Variants in HOOK3 observed in about 807,000 individuals in gnomAD.
HOOK3 encodes hook microtubule tethering protein 3.
A neutral mutation model predicts 116.3 loss-of-function variants in HOOK3; 24 were observed. The ratio of observed to expected loss-of-function variants is 0.21; its 90% CI spans 0.15 to 0.29. The LOEUF (loss-of-function observed/expected upper bound fraction) is 0.29, where lower values mean the gene tolerates loss of function less well. Among genes scored for constraint, HOOK3 ranks in the 10% least tolerant of loss-of-function variants. The probability of loss-of-function intolerance (pLI) is 1.00; values close to 1 mark genes in which losing one functional copy is unlikely to be tolerated. For synonymous variants in HOOK3, 275 were observed against 283.0 expected, an observed-to-expected ratio of 0.97 and a Z score of 0.28; for missense variants, 632 against 830.2, an observed-to-expected ratio of 0.76 and a Z score of 2.93.
chr8:42,912,807 T>C (rs1467674792), intron 2 of HOOK3, among the ~76,000 whole-genome samples: 1 of 152,222 alleles, frequency 6.6e-6, no homozygotes, highest in Non-Finnish European at 1.5e-5. Flanking sequence ...CTTGGTGTTG[T>C]ACATCCTATG....
intron 14 of HOOK3, 148 bp downstream of exon 14, chr8:42,982,844 T>C: frequency 1.6e-6 from 1 of 610,374 alleles, no homozygotes; most frequent in Non-Finnish European, 2.9e-6. Context: ...GTTTTCAACA[T>C]GTTAAAAGCT....
chr8:42,937,764 T>C (rs1266981741), intron 4 of HOOK3, among the ~76,000 whole-genome samples: 2 of 152,222 alleles, frequency 1.3e-5, no homozygotes, highest in Non-Finnish European at 2.9e-5. Context: ...CTGTTTGTTA[T>C]GATTTCTGTT....
intron 14 of HOOK3, among the ~76,000 whole-genome samples, chr8:42,984,859 C>T (rs1373062317): frequency 3.9e-5 from 6 of 152,072 alleles, no homozygotes; most frequent in African/African-American, 1.2e-4. Context: ...GCCTAGATTG[C>T]GCCACAGTCC....
At chr8:42,939,741 G>C (rs1248520936) in intron 4 of HOOK3, among the ~76,000 whole-genome samples, 5 of 151,062 alleles carry the variant, frequency 3.3e-5, no homozygotes, top group African/African-American at 1.2e-4. Context: ...CGGCTGCCGG[G>C]CGGAGGGGCT....
At chr8:42,926,330 G>C (rs1296882963) in intron 3 of HOOK3, among the ~76,000 whole-genome samples, 3 of 152,108 alleles carry the variant, frequency 2.0e-5, no homozygotes, top group Non-Finnish European at 4.4e-5. Context: ...CTGTCCCCCA[G>C]GCTGGAAAGC....
intron 11 of HOOK3, among the ~76,000 whole-genome samples, chr8:42,971,805 C>T (rs373659577): frequency 5.9e-5 from 9 of 152,156 alleles, no homozygotes; most frequent in Non-Finnish European, 7.4e-5. Context: ...CACAGTCTCC[C>T]GAGTAGCTGG....
chr8:43,004,140 G>A (rs1255443944), intron 17 of HOOK3, among the ~76,000 whole-genome samples: 2 of 152,020 alleles, frequency 1.3e-5, no homozygotes, highest in African/African-American at 4.8e-5. Flanking sequence ...GGCCAAGCAG[G>A]TCAATCACTT....
In HOOK3 at chr8:43,018,429, G is replaced by A. The variant is rs368922457; in HGVS notation, c.2088G>A (p.Ala696=). The A allele has an allele frequency of 8.7e-6, 14 of 1,613,834 alleles. No homozygotes were observed. Among genetic ancestry groups the A allele is most frequent in the African/African-American group, 2.7e-5 (2 of 75,030 alleles). The change falls in exon 22 of 22, where the codon GCG becomes GCA. Residue 696 remains alanine (A), a synonymous_variant. Transcript: ENST00000307602. ...ASTGSGQSFL[A]RQRQATSSRR... is the part of the protein sequence containing the mutation. Reference sequence around the variant, plus strand: ...CAGGCTCAGGGCAGTCATTTCTGGCGAGGCAGAGGCAAGCGACCAGCAGCA... The same window carrying A: ...CAGGCTCAGGGCAGTCATTTCTGGCAAGGCAGAGGCAAGCGACCAGCAGCA...
chr8:42,899,222 T>C (rs554761216), intron 1 of HOOK3, among the ~76,000 whole-genome samples: 14 of 152,334 alleles, frequency 9.2e-5, no homozygotes, highest in African/African-American at 3.4e-4. Context: ...CCTGACAACA[T>C]GAGAGAATCT....
chr8:42,986,341 A>T (rs538822112), intron 14 of HOOK3, among the ~76,000 whole-genome samples: 12 of 152,206 alleles, frequency 7.9e-5, no homozygotes, highest in African/African-American at 2.9e-4. Context: ...TTCTCTGATA[A>T]GAATCAGATA....
chr8:42,991,701 C>T (rs1809163875), intron 15 of HOOK3, among the ~76,000 whole-genome samples: 1 of 152,078 alleles, frequency 6.6e-6, no homozygotes, highest in Non-Finnish European at 1.5e-5. Flanking sequence ...TGCGTCTGGC[C>T]AACAATATGC....
chr8:43,016,284 A>G (rs1477394696), intron 21 of HOOK3, among the ~76,000 whole-genome samples: 1 of 151,718 alleles, frequency 6.6e-6, no homozygotes, highest in Non-Finnish European at 1.5e-5. Context: ...CGCCTGGCTA[A>G]TTTTTTGTAT....
intron 11 of HOOK3, among the ~76,000 whole-genome samples, chr8:42,971,656 A>C (rs1808730119): frequency 6.7e-6 from 1 of 150,108 alleles, no homozygotes; most frequent in Non-Finnish European, 1.5e-5. Flanking sequence ...ATGGTCTCTT[A>C]CTCCTTTTTG....
At chr8:42,956,653 C>T (rs997631069) in intron 6 of HOOK3, among the ~76,000 whole-genome samples, 2 of 152,170 alleles carry the variant, frequency 1.3e-5, no homozygotes, top group African/African-American at 4.8e-5. Context: ...GGCACCATCT[C>T]GGCTCACTGC....
chr8:43,014,254 C>G (rs150480040), intron 21 of HOOK3, among the ~76,000 whole-genome samples: 1 of 143,236 alleles, frequency 7.0e-6, no homozygotes, highest in Non-Finnish European at 1.5e-5. Context: ...CCATTGCACT[C>G]CAGCCTGGGT....
chr8:42,950,400 C>T lies in HOOK3; in HGVS notation c.413C>T (p.Ala138Val). 3 of 1,607,950 alleles carry T rather than the reference C, an allele frequency of 1.9e-6. No homozygotes were observed. Among genetic ancestry groups the T allele is most frequent in the Non-Finnish European group, 2.6e-6 (3 of 1,175,110 alleles). Residue 138 changes from alanine (A) to valine (V), a missense_variant, in exon 6 of 22, where the codon GCC becomes GTC. Around this residue, in one of 3 missense-constraint regions of HOOK3, gnomAD observed 8 missense variants for 31.3 expected, o/e 0.26. Transcript: ENST00000307602. ...TTCTTGTTTTCAGAGTACATCCAAG[C>T]CATTATGATGATGGAGGAATCTGTT... ...NCEQKQEYIQ[A>V]IMMMEESVQH...
chr8:42,995,444 A>G (rs1350573706), intron 15 of HOOK3, among the ~76,000 whole-genome samples: 1 of 152,184 alleles, frequency 6.6e-6, no homozygotes, highest in Non-Finnish European at 1.5e-5. Flanking sequence ...TTTTTATTTC[A>G]ATAATACCCA....
intron 21 of HOOK3, among the ~76,000 whole-genome samples, chr8:43,014,883 G>A (rs1382646293): frequency 6.6e-6 from 1 of 152,106 alleles, no homozygotes; most frequent in African/African-American, 2.4e-5. Context: ...GGTGGCTAAT[G>A]CCTGTAATCA....
Position 43,026,274 on chromosome 8 carries a change from T to C in HOOK3, c.*7776T>C, listed in dbSNP as rs1418161979. On this transcript the variant is annotated 3_prime_UTR_variant, in exon 22 of 22. Coordinates refer to ENST00000307602, the MANE Select transcript of HOOK3 (RefSeq NM_032410.4). ...ATTTAGTGTCTTAATATATAGTCTT[T>C]ATATAGTATCTTAATATTATTTACT... The C allele has an allele frequency of 5.1e-6, 1 of 195,298 alleles. No homozygotes were observed. Among genetic ancestry groups the C allele is most frequent in the Non-Finnish European group, 1.1e-5 (1 of 94,134 alleles). The allele number at this position is 195,298 out of a possible 1,614,324, so 12.1% of individuals were successfully genotyped here.
Sources: gnomAD v4.1 joint callset for allele counts (sites outside exome capture counted in the v4.1 genomes callset) on GRCh38, gnomAD v4.1.1 for gene constraint, gnomAD v4.1.1 regional missense constraint, MANE v1.5 for transcripts, NCBI Gene and HGNC (gene_info 2026-07-23, HGNC 2026-07-21) for gene names.